The following SUPT3H variants were observed in gnomAD, a reference collection of about 807,000 sequenced individuals.
The protein encoded by SUPT3H is SPT3 homolog, SAGA and STAGA complex component.
In SUPT3H, 44 loss-of-function variants were observed where a neutral mutation model predicts 44.3. The ratio of observed to expected loss-of-function variants is 0.99; its 90% CI spans 0.78 to 1.28. SUPT3H has a LOEUF of 1.28. Ranked by LOEUF, SUPT3H falls within the 50% of genes most tolerant of loss-of-function variation. The probability of loss-of-function intolerance (pLI) is 0.00; values close to 1 mark genes in which losing one functional copy is unlikely to be tolerated. For missense variants in SUPT3H, 380 were observed against 387.1 expected (o/e 0.98, Z 0.15); for synonymous variants, 124 against 125.6 (o/e 0.99, Z 0.09).
At chr6:44,816,449 T>G (rs1410234845) in intron 11 of SUPT3H, among the ~76,000 whole-genome samples, 1 of 152,174 alleles carries the variant, frequency 6.6e-6, no homozygotes, top group African/African-American at 2.4e-5. Flanking sequence ...ATAGATAACC[T>G]TATATCTATC....
intron 10 of SUPT3H, among the ~76,000 whole-genome samples, chr6:44,890,866 C>T (rs1763192754): frequency 6.6e-6 from 1 of 151,456 alleles, no homozygotes. Flanking sequence ...AAGCTAGAAA[C>T]TATCATTCTC....
At chr6:44,948,583 T>C (rs980443086) in intron 9 of SUPT3H, among the ~76,000 whole-genome samples, 6 of 152,126 alleles carry the variant, frequency 3.9e-5, no homozygotes, top group South Asian at 2.1e-4. Context: ...GGGCGAAGGA[T>C]ATGAACAGAC....
At chr6:45,278,456 AATAAGTGGGT>A (rs1357598873) in intron 2 of SUPT3H, among the ~76,000 whole-genome samples, 2 of 152,316 alleles carry the variant, frequency 1.3e-5, no homozygotes, top group East Asian at 3.9e-4. Context: ...CAACTATGAA[AATAAGTGGGT>A]GGGAATGTGT....
intron 2 of SUPT3H, among the ~76,000 whole-genome samples, chr6:45,304,889 A>G (rs1352379829): frequency 1.3e-5 from 2 of 152,216 alleles, no homozygotes; most frequent in African/African-American, 4.8e-5. Flanking sequence ...AAAAGAACAC[A>G]AATAGAAGAA....
At chr6:44,866,297 C>T (rs1326028535) in intron 10 of SUPT3H, among the ~76,000 whole-genome samples, 1 of 151,484 alleles carries the variant, frequency 6.6e-6, no homozygotes, top group Non-Finnish European at 1.5e-5. Context: ...TATTGTTTAA[C>T]TGGGGAAAAA....
chr6:44,839,793 C>T (rs1169950936), intron 10 of SUPT3H, among the ~76,000 whole-genome samples: 1 of 151,972 alleles, frequency 6.6e-6, no homozygotes, highest in Non-Finnish European at 1.5e-5. Context: ...GCTCCACCTC[C>T]CGGGTTCATG....
At chr6:45,308,756 TAA>T (rs70996322) in intron 2 of SUPT3H, among the ~76,000 whole-genome samples, 1,894 of 145,246 alleles carry the variant, frequency 0.013, 31 homozygotes, top group African/African-American at 0.03. Context: ...AAAATAAATT[TAA>T]AAAAAAAAAA....
chr6:44,854,665 C>T (rs79461580), intron 10 of SUPT3H, among the ~76,000 whole-genome samples: 4 of 152,210 alleles, frequency 2.6e-5, no homozygotes, highest in East Asian at 3.9e-4. Flanking sequence ...TCAGTGAGTA[C>T]GCCCTTATGA....
chr6:44,897,155 G>T (rs965910903), intron 10 of SUPT3H, among the ~76,000 whole-genome samples: 1 of 152,180 alleles, frequency 6.6e-6, no homozygotes, highest in African/African-American at 2.4e-5. Context: ...ATTAGTTAGT[G>T]TGGGCTTTGG....
At chr6:44,987,190 C>T (rs1356712246) in intron 6 of SUPT3H, among the ~76,000 whole-genome samples, 1 of 151,128 alleles carries the variant, frequency 6.6e-6, no homozygotes, top group Non-Finnish European at 1.5e-5. Flanking sequence ...TGAAACTCTA[C>T]TCTCATGACT....
At chr6:45,376,420 C>T (rs1055133751) in intron 1 of SUPT3H, among the ~76,000 whole-genome samples, 51 of 152,228 alleles carry the variant, frequency 3.4e-4, no homozygotes, top group African/African-American at 1.1e-3. Context: ...GGTATTTAAA[C>T]GTAAATCAAT....
chr6:45,104,107 G>A (rs1021636319), intron 3 of SUPT3H, among the ~76,000 whole-genome samples: 4 of 152,110 alleles, frequency 2.6e-5, no homozygotes, highest in African/African-American at 9.7e-5. Flanking sequence ...GGAAAAGACT[G>A]AAATGGCAAC....
chr6:45,038,935 G>A (rs1788098993), intron 3 of SUPT3H, among the ~76,000 whole-genome samples: 1 of 152,056 alleles, frequency 6.6e-6, no homozygotes, highest in South Asian at 2.1e-4. Context: ...TTATTTCAAA[G>A]TAGCATGTAA....
chr6:44,902,793 C>G (rs1313886531), intron 10 of SUPT3H, among the ~76,000 whole-genome samples: 1 of 152,178 alleles, frequency 6.6e-6, no homozygotes, highest in Non-Finnish European at 1.5e-5. Flanking sequence ...AAACACTCCT[C>G]AGCAAATGCA....
intron 9 of SUPT3H, among the ~76,000 whole-genome samples, chr6:44,938,342 A>G (rs550664523): frequency 6.6e-6 from 1 of 152,212 alleles, no homozygotes; most frequent in Admixed American, 6.5e-5. Flanking sequence ...TCCTTTCCCC[A>G]GTGTATGCTC....
At chr6:45,049,127 G>C (rs1380106081) in intron 3 of SUPT3H, among the ~76,000 whole-genome samples, 1 of 152,062 alleles carries the variant, frequency 6.6e-6, no homozygotes, top group East Asian at 1.9e-4. Context: ...TCCAAACATA[G>C]TGTACATGAC....
At chr6:44,854,289 A>C (rs1773379357) in intron 10 of SUPT3H, among the ~76,000 whole-genome samples, 1 of 152,156 alleles carries the variant, frequency 6.6e-6, no homozygotes, top group Non-Finnish European at 1.5e-5. Context: ...AACAAAATGC[A>C]CTGTACCATC....
chr6:45,068,539 G>C (rs571648404), intron 3 of SUPT3H, among the ~76,000 whole-genome samples: 1 of 152,224 alleles, frequency 6.6e-6, no homozygotes, highest in South Asian at 2.1e-4. Context: ...TTTCATTTCT[G>C]AAATCGGTAC....
At chr6:44,901,771 G>C (rs1274397620) in intron 10 of SUPT3H, among the ~76,000 whole-genome samples, 141 of 152,240 alleles carry the variant, frequency 9.3e-4, no homozygotes, top group African/African-American at 2.9e-3. Context: ...GGCAGCCAGA[G>C]AGAAAGGTCG....
Sources: allele counts gnomAD v4.1 joint callset (sites outside exome capture counted in the v4.1 genomes callset), GRCh38; gene constraint gnomAD v4.1.1; transcripts MANE v1.5; gene names NCBI Gene and HGNC (gene_info 2026-07-23, HGNC 2026-07-21).